Variants in RBFOX1 observed in about 807,000 individuals in gnomAD.
The protein encoded by RBFOX1 is RNA binding fox-1 homolog 1, also known as RNA binding protein fox-1 homolog 1.
Under a neutral mutation model 57.7 loss-of-function variants are expected in RBFOX1, and 8 were observed. The ratio of observed to expected loss-of-function variants is 0.14; its 90% CI spans 0.08 to 0.25. RBFOX1 has a LOEUF of 0.25. Among genes scored for constraint, RBFOX1 ranks in the 10% least tolerant of loss-of-function variants. The probability of loss-of-function intolerance (pLI) is 1.00; values close to 1 mark genes in which losing one functional copy is unlikely to be tolerated. For missense variants in RBFOX1, 611 were observed against 548.5 expected (o/e 1.11, Z -1.14); for synonymous variants, 326 against 222.4 (o/e 1.47, Z -4.15).
intron 1 of RBFOX1, among the ~76,000 whole-genome samples, chr16:5,359,392 C>T (rs1480143262): frequency 6.6e-6 from 1 of 152,214 alleles, no homozygotes; most frequent in Non-Finnish European, 1.5e-5. Flanking sequence ...AGCCTCCAAA[C>T]TGTTCTCCTC....
At chr16:5,723,757 G>C (rs930751165) in intron 3 of RBFOX1, among the ~76,000 whole-genome samples, 5 of 152,242 alleles carry the variant, frequency 3.3e-5, no homozygotes, top group African/African-American at 1.2e-4. Flanking sequence ...TTTGGTCTAA[G>C]GTTGAGTAGC....
At chr16:6,859,174 T>TATATACGTATACGTATAC (rs778753196) in intron 3 of RBFOX1, among the ~76,000 whole-genome samples, 1 of 65,104 alleles carries the variant, frequency 1.5e-5, no homozygotes, top group African/African-American at 8.6e-5. Context: ...CGTATATATA[T>TATATACGTATACGTATAC]GTATATATAT....
chr16:5,602,536 A>T (rs1461158833), downstream of RBFOX1, among the ~76,000 whole-genome samples: 1 of 152,190 alleles, frequency 6.6e-6, no homozygotes, highest in Admixed American at 6.5e-5. Flanking sequence ...CATACTGTTG[A>T]GTGAGAAATA....
rs542783896 is a variant in RBFOX1, at chr16:5,681,395, T to C, written c.318+82434T>C. Among the ~76,000 whole-genome samples the C allele has an allele frequency of 5.0e-3, 758 of 150,150 alleles. 8 individuals are homozygous for C. Among genetic ancestry groups the C allele is most frequent in the African/African-American group, 0.018 (721 of 40,856 alleles). ...TACCGTGCCCAGCTTTTTTCTTTTT[T>C]TTTTTTTTTTGAGGTGGAGTTTCTC... On this transcript the variant is annotated intron_variant, in intron 3 of 19. Transcript: ENST00000641259.
rs553510661 is a variant in RBFOX1, at chr16:7,060,649, G to C, written c.27+8551G>C. The stretch of plus-strand genomic sequence containing the variant: ...CTCAGAACCCCATCTGTCTATAATG[G>C]AAGAACAAATTTATCCTTTTTTATT... On this transcript the variant is annotated intron_variant, in intron 4 of 15. Coordinates refer to ENST00000550418, the MANE Select transcript of RBFOX1 (RefSeq NM_018723.4). Among the ~76,000 whole-genome samples, 7 of 152,216 alleles carry C rather than the reference G, an allele frequency of 4.6e-5. No homozygotes were observed. The East Asian group carries it at 1.2e-3, about 25-fold the overall frequency.
chr16:6,459,810 C>A (rs977065364), intron 2 of RBFOX1, among the ~76,000 whole-genome samples: 1 of 151,402 alleles, frequency 6.6e-6, no homozygotes, highest in Non-Finnish European at 1.5e-5. Flanking sequence ...AACTGAGAAA[C>A]CCTGTCTCTA....
chr16:7,601,126 G>A (rs2094995121), intron 9 of RBFOX1, among the ~76,000 whole-genome samples: 1 of 152,158 alleles, frequency 6.6e-6, no homozygotes, highest in Non-Finnish European at 1.5e-5. Flanking sequence ...TCTTAGAGAT[G>A]TTAGGAAGGA....
At chr16:6,722,739 G>A (rs2066276139) in intron 3 of RBFOX1, among the ~76,000 whole-genome samples, 1 of 152,104 alleles carries the variant, frequency 6.6e-6, no homozygotes, top group Non-Finnish European at 1.5e-5. Context: ...TGAATTAAGG[G>A]CCCCGTTCAT....
At chr16:6,732,758 C>A (rs2068994560) in intron 3 of RBFOX1, among the ~76,000 whole-genome samples, 1 of 152,158 alleles carries the variant, frequency 6.6e-6, no homozygotes, top group Admixed American at 6.5e-5. Flanking sequence ...CTGCCAGTGC[C>A]TCTGTACATG....
At chr16:6,029,085 T>G (rs377203151) in intron 1 of RBFOX1, among the ~76,000 whole-genome samples, 2 of 152,176 alleles carry the variant, frequency 1.3e-5, no homozygotes. Context: ...AGCTAGTCAC[T>G]TCTTATTTTT....
At position 5,749,612 on chromosome 16, in the gene RBFOX1, C is replaced by T. The variant is rs139677589; in HGVS notation, c.319-117691C>T. On this transcript the variant is annotated intron_variant, in intron 3 of 19. Transcript: ENST00000641259. ...ACTTCTCTTCTCGCTTCATTTCATTCATTTGATCTTCAATCACTGATACCC... is the reference window on the plus strand; with the variant it reads ...ACTTCTCTTCTCGCTTCATTTCATTTATTTGATCTTCAATCACTGATACCC... 2.6e-4 allele frequency among the ~76,000 whole-genome samples: 39 copies of T among 152,286 alleles called. 1 individual carries two copies. The East Asian group carries it at 7.1e-3, about 28-fold the overall frequency.
intron 1 of RBFOX1, among the ~76,000 whole-genome samples, chr16:6,143,979 A>ATATC (rs2096738796): frequency 6.6e-6 from 1 of 150,384 alleles, no homozygotes; most frequent in Admixed American, 6.6e-5. Flanking sequence ...ATATATATAT[A>ATATC]TATCTCTACC....
chr16:5,982,174 T>G, intron 4 of RBFOX1, among the ~76,000 whole-genome samples: 1 of 152,170 alleles, frequency 6.6e-6, no homozygotes, highest in East Asian at 1.9e-4. Context: ...CTCACCCTAC[T>G]ACCTTTACCC....
rs2057045979 is a variant in RBFOX1 at position 5,856,230 on chromosome 16, T to TATATACACAC, written c.319-11068_319-11067insCACACATATA. ...ATACATATATATGTATATATATATG[T>TATATACACAC]ATATATATGTGTATATATATGTATA... On this transcript the variant is annotated intron_variant, in intron 3 of 19. Transcript: ENST00000641259. Among the ~76,000 whole-genome samples, 12 of 65,080 alleles carry TATATACACAC rather than the reference T, an allele frequency of 1.8e-4. 2 individuals carry two copies. Among genetic ancestry groups the TATATACACAC allele is most frequent in the African/African-American group, 7.5e-4 (12 of 15,944 alleles). The allele number at this position is 65,080 out of a possible 152,430, so 42.7% of individuals were successfully genotyped here.
chr16:7,448,253 A>G (rs536604948), intron 4 of RBFOX1, among the ~76,000 whole-genome samples: 2 of 151,458 alleles, frequency 1.3e-5, no homozygotes, highest in East Asian at 3.9e-4. Flanking sequence ...GGTGTAGGCA[A>G]GGTGGATTCC....
intron 11 of RBFOX1, among the ~76,000 whole-genome samples, chr16:7,650,760 T>C (rs1468778173): frequency 6.6e-6 from 1 of 152,228 alleles, no homozygotes; most frequent in Non-Finnish European, 1.5e-5. Context: ...TGCCAGATTG[T>C]GAATTTTTCA....
chr16:7,101,276 C>T (rs940912201), intron 4 of RBFOX1, among the ~76,000 whole-genome samples: 15 of 152,202 alleles, frequency 9.9e-5, no homozygotes, highest in African/African-American at 1.4e-4. Context: ...AGTGCCAGCT[C>T]GCCGCTAGCT....
chr16:7,569,198 G>C (rs1602076706), intron 5 of RBFOX1, among the ~76,000 whole-genome samples: 1 of 152,180 alleles, frequency 6.6e-6, no homozygotes, highest in Admixed American at 6.5e-5. Context: ...TTTGCTGTCA[G>C]ATGACCATAC....
intron 2 of RBFOX1, among the ~76,000 whole-genome samples, chr16:6,460,988 C>T (rs1041039323): frequency 2.6e-5 from 4 of 152,044 alleles, no homozygotes; most frequent in African/African-American, 9.7e-5. Context: ...ATTACCTTAG[C>T]AAACTAAAGC....
Sources: gnomAD v4.1 joint callset for allele counts (sites outside exome capture counted in the v4.1 genomes callset) on GRCh38, gnomAD v4.1.1 for gene constraint, MANE v1.5 for transcripts, NCBI Gene and HGNC (gene_info 2026-07-23, HGNC 2026-07-21) for gene names.